The following PTPN14 variants were observed in gnomAD, a reference collection of about 807,000 sequenced individuals.
PTPN14 encodes protein tyrosine phosphatase non-receptor type 14, also known as tyrosine-protein phosphatase non-receptor type 14.
PTPN14 carries 53 observed loss-of-function variants against 126.8 expected under a neutral mutation model. The ratio of observed to expected loss-of-function variants is 0.42; its 90% CI spans 0.34 to 0.53. The LOEUF (loss-of-function observed/expected upper bound fraction) is 0.53, where lower values mean the gene tolerates loss of function less well. PTPN14 is among the 20% of genes least tolerant of loss of function. The pLI is 0.08. For synonymous variants in PTPN14, 630 were observed against 599.3 expected, an observed-to-expected ratio of 1.05 and a Z score of -0.75; for missense variants, 1,257 against 1,552.9, an observed-to-expected ratio of 0.81 and a Z score of 3.20.
At chr1:214,359,644 T>C (rs1571948715) in intron 18 of PTPN14, among the ~76,000 whole-genome samples, 1 of 152,106 alleles carries the variant, frequency 6.6e-6, no homozygotes, top group East Asian at 1.9e-4. Flanking sequence ...TTCAGCCTCC[T>C]GAGTAGCTGG....
intron 1 of PTPN14, among the ~76,000 whole-genome samples, chr1:214,470,551 G>A (rs1660730995): frequency 6.6e-6 from 1 of 152,048 alleles, no homozygotes; most frequent in South Asian, 2.1e-4. Context: ...TGGAGGCCGG[G>A]GCGAGTGGAT....
chr1:214,518,962 T>C (rs1326824271), intron 1 of PTPN14, among the ~76,000 whole-genome samples: 1 of 152,130 alleles, frequency 6.6e-6, no homozygotes, highest in Non-Finnish European at 1.5e-5. Context: ...TCATTGCCTT[T>C]AATTAAAAAG....
intron 1 of PTPN14, among the ~76,000 whole-genome samples, chr1:214,516,251 A>G (rs1374724431): frequency 6.6e-6 from 1 of 152,190 alleles, no homozygotes; most frequent in Admixed American, 6.5e-5. Context: ...ACACTATTGA[A>G]GGGGTAGGAA....
chr1:214,540,715 G>A (rs1558148073), intron 1 of PTPN14, among the ~76,000 whole-genome samples: 1 of 152,052 alleles, frequency 6.6e-6, no homozygotes, highest in East Asian at 1.9e-4. Context: ...AAGAAAGGAC[G>A]AGGAGCGTGA....
At chr1:214,459,891 C>T (rs1660470473) in intron 2 of PTPN14, among the ~76,000 whole-genome samples, 1 of 152,232 alleles carries the variant, frequency 6.6e-6, no homozygotes, top group Admixed American at 6.5e-5. Flanking sequence ...TTTTATTCCC[C>T]ACATAGTTCA....
intron 3 of PTPN14, among the ~76,000 whole-genome samples, chr1:214,449,011 C>CTTTTTTTTT (rs71165970): frequency 1.8e-5 from 2 of 112,470 alleles, no homozygotes; most frequent in African/African-American, 3.6e-5. Context: ...CTTAATTTTT[C>CTTTTTTTTT]TTTTTTTTTT....
intron 2 of PTPN14, among the ~76,000 whole-genome samples, chr1:214,456,664 T>C (rs1660390096): frequency 1.3e-5 from 2 of 152,172 alleles, no homozygotes; most frequent in Admixed American, 6.5e-5. Context: ...ACCACTCTTC[T>C]GAGACTGTAC....
intron 2 of PTPN14, among the ~76,000 whole-genome samples, chr1:214,457,609 C>T (rs1175833440): frequency 1.3e-5 from 2 of 152,072 alleles, no homozygotes; most frequent in African/African-American, 2.4e-5. Context: ...GCCCCCTTTG[C>T]GTTTCTTAGA....
chr1:214,355,119 G>C lies in PTPN14; in HGVS notation c.*2803C>G, dbSNP rs1266823039. On this transcript the variant is annotated 3_prime_UTR_variant, in exon 19 of 19. Transcript: ENST00000366956. ...GAAATATGTGGAACAACTCTTAAAT[G>C]TTTTCTTTTGGGTTTCAATATAAAC... The C allele has an allele frequency of 6.6e-6, 1 of 152,190 alleles. No individual in the cohort carries two copies. The highest frequency in any genetic ancestry group is 1.5e-5 in the Non-Finnish European group (1 of 68,020). The allele number at this position is 152,190 out of a possible 1,614,324, so 9.4% of individuals were successfully genotyped here.
intron 3 of PTPN14, among the ~76,000 whole-genome samples, chr1:214,446,992 TC>T (rs1660158888): frequency 6.6e-6 from 1 of 152,210 alleles, no homozygotes; most frequent in South Asian, 2.1e-4. Context: ...CTATTTCTAA[TC>T]TATGCAAATA....
chr1:214,479,480 C>T (rs1660936637), intron 1 of PTPN14, among the ~76,000 whole-genome samples: 1 of 151,800 alleles, frequency 6.6e-6, no homozygotes, highest in Non-Finnish European at 1.5e-5. Flanking sequence ...GCTGGGATTA[C>T]AGGCGCCCAC....
intron 17 of PTPN14, among the ~76,000 whole-genome samples, chr1:214,366,825 T>G (rs1658092531): frequency 6.6e-6 from 1 of 151,836 alleles, no homozygotes; most frequent in African/African-American, 2.4e-5. Flanking sequence ...CTACTAAAAA[T>G]ACAAAAAATT....
At chr1:214,454,627 G>A (rs1660343813) in intron 2 of PTPN14, among the ~76,000 whole-genome samples, 2 of 152,268 alleles carry the variant, frequency 1.3e-5, no homozygotes, top group South Asian at 2.1e-4. Flanking sequence ...AGGATGATGA[G>A]GTACAAGAGA....
chr1:214,423,553 T>G (rs1008737773), intron 3 of PTPN14, among the ~76,000 whole-genome samples: 1 of 152,222 alleles, frequency 6.6e-6, no homozygotes, highest in African/African-American at 2.4e-5. Context: ...CTTTGTTTAC[T>G]GGCCAGTCTA....
rs941847987 is a variant in PTPN14 at position 214,504,295 on chromosome 1, C to T, written c.-154-39338G>A. 3.9e-5 allele frequency among the ~76,000 whole-genome samples: 6 copies of T among 152,122 alleles called. No individual in the cohort carries two copies. The South Asian group carries it at 1.2e-3, about 32-fold the overall frequency. On this transcript the variant is annotated intron_variant, in intron 1 of 18. Coordinates refer to ENST00000366956, the MANE Select transcript of PTPN14 (RefSeq NM_005401.5). ...ATAGCCAGATAGGAAACCTTTTAGC[C>T]ATGGTTGCATCCAAGCACATGGCAA...
chr1:214,538,144 C>T (rs1055640863), intron 1 of PTPN14, among the ~76,000 whole-genome samples: 2 of 152,116 alleles, frequency 1.3e-5, no homozygotes, highest in African/African-American at 4.8e-5. Context: ...AAAACATCTC[C>T]ACTTTCGAAA....
chr1:214,522,911 T>G (rs1450276901), intron 1 of PTPN14, among the ~76,000 whole-genome samples: 5 of 152,114 alleles, frequency 3.3e-5, no homozygotes, highest in African/African-American at 9.7e-5. Context: ...AAGATAAGAC[T>G]GAGGAGAAAG....
chr1:214,541,129 T>C (rs1023349734), intron 1 of PTPN14, among the ~76,000 whole-genome samples: 1 of 152,076 alleles, frequency 6.6e-6, no homozygotes, highest in African/African-American at 2.4e-5. Context: ...AATATAACTA[T>C]TATTAGGGAT....
chr1:214,517,725 G>A (rs919989583), intron 1 of PTPN14, among the ~76,000 whole-genome samples: 2 of 152,050 alleles, frequency 1.3e-5, no homozygotes, highest in African/African-American at 4.8e-5. Flanking sequence ...CAGGTGGATT[G>A]CTTGAGCTCA....
Sources: allele counts gnomAD v4.1 joint callset (sites outside exome capture counted in the v4.1 genomes callset), GRCh38; gene constraint gnomAD v4.1.1; transcripts MANE v1.5; gene names NCBI Gene and HGNC (gene_info 2026-07-23, HGNC 2026-07-21).